The following SYNPO2 variants were observed in gnomAD, a reference collection of about 807,000 sequenced individuals.
SYNPO2 encodes synaptopodin 2, also known as synaptopodin-2.
In SYNPO2, 56 loss-of-function variants were observed where a neutral mutation model predicts 85.0. The ratio of observed to expected loss-of-function variants is 0.66; its 90% CI spans 0.53 to 0.82. The LOEUF (loss-of-function observed/expected upper bound fraction) is 0.82. Among genes scored for constraint, SYNPO2 ranks in the 40% least tolerant of loss-of-function variants. The pLI, the probability that SYNPO2 is intolerant of heterozygous loss-of-function variation, is 0.00. For synonymous variants in SYNPO2, 602 were observed against 591.1 expected, an observed-to-expected ratio of 1.02 and a Z score of -0.27; for missense variants, 1,575 against 1,534.2, an observed-to-expected ratio of 1.03 and a Z score of -0.44.
chr4:118,972,305 G>A (rs1401142709), intron 1 of SYNPO2, among the ~76,000 whole-genome samples: 2 of 151,976 alleles, frequency 1.3e-5, no homozygotes, highest in Non-Finnish European at 2.9e-5. Flanking sequence ...ATAGCCGGGT[G>A]TAGTGGTGCG....
chr4:118,959,826 T>C (rs1414328841), intron 1 of SYNPO2, among the ~76,000 whole-genome samples: 1 of 108,316 alleles, frequency 9.2e-6, no homozygotes, highest in East Asian at 3.2e-4. Context: ...ACTGTCTCCC[T>C]CGGTGTAGTA....
At chr4:118,890,713 C>CTG (rs1732340186) in intron 1 of SYNPO2, among the ~76,000 whole-genome samples, 6 of 140,626 alleles carry the variant, frequency 4.3e-5, no homozygotes, top group Admixed American at 4.3e-4. Context: ...CTCTCTCTCT[C>CTG]TCTCTCTCTC....
rs372034723 is a variant in SYNPO2, at chr4:118,917,418, C to CA, written c.105+28285dup. 2.6e-4 allele frequency among the ~76,000 whole-genome samples: 40 copies of CA among 151,484 alleles called. 1 individual carries two copies. Among genetic ancestry groups the CA allele is most frequent in the South Asian group, 6.3e-4 (3 of 4,794 alleles). ...AACAGAAAACAAACCAACCAACAAACAAAAAAAACAAAGAAACAAACAACA... is the reference window on the plus strand; with the variant it reads ...AACAGAAAACAAACCAACCAACAAACAAAAAAAAACAAAGAAACAAACAACA... On this transcript the variant is annotated intron_variant, in intron 1 of 4. Transcript: ENST00000307142.
chr4:118,853,779 C>T (rs1168827515), intron 1 of SYNPO2, among the ~76,000 whole-genome samples: 1 of 152,044 alleles, frequency 6.6e-6, no homozygotes, highest in Non-Finnish European at 1.5e-5. Flanking sequence ...TGCTGCAAGA[C>T]TCAATATGTA....
At position 119,057,536 on chromosome 4, in the gene SYNPO2, A is replaced by C. The variant is rs751444032; in HGVS notation, c.3388A>C (p.Thr1130Pro). Residue 1130 changes from threonine to proline, a missense_variant, in exon 5 of 5, where the codon ACT (threonine) becomes CCT (proline). By Grantham distance (38) the Thr-to-Pro change is conservative (BLOSUM62 -1). Coordinates refer to ENST00000307142, the MANE Select transcript of SYNPO2 (RefSeq NM_133477.3). ...DGLEKANKRP[T>P]PWEAAAKSPL... is the part of the protein sequence containing the mutation. ...ACTAGAGAAAGCAAACAAGAGACCA[A>C]CTCCTTGGGAAGCAGCAGCAAAGTC... is the stretch of plus-strand genomic sequence containing the variant. 2 of 1,613,804 alleles carry C rather than the reference A, an allele frequency of 1.2e-6. No individual in the cohort carries two copies. Among genetic ancestry groups the C allele is most frequent in the East Asian group, 2.2e-5 (1 of 44,852 alleles).
intron 1 of SYNPO2, among the ~76,000 whole-genome samples, chr4:118,962,957 T>C (rs1288763413): frequency 6.6e-6 from 1 of 152,190 alleles, no homozygotes; most frequent in Non-Finnish European, 1.5e-5. Flanking sequence ...ATAAGAACTA[T>C]ACTGCAGCCA....
rs754134859 is a variant in SYNPO2 at position 119,057,410 on chromosome 4, C to T, written c.3262C>T (p.Arg1088Cys). ...KSGVTIQESG[R>C]SLSLPGRSVP... ...TTTTCATTGTTTTTAGGAGAGTGGG[C>T]GCTCCCTTTCTCTTCCTGGAAGATC... Residue 1088 changes from arginine (R) to cysteine (C), a missense_variant, in exon 5 of 5, where the codon CGC (arginine) becomes TGC (cysteine). Transcript: ENST00000307142. 4.3e-5 allele frequency: 68 copies of T among 1,580,876 alleles called. No homozygotes were observed. Among genetic ancestry groups the T allele is most frequent in the South Asian group, 2.9e-4 (25 of 85,370 alleles).
chr4:118,964,144 T>C (rs1187640604), intron 1 of SYNPO2, among the ~76,000 whole-genome samples: 1 of 152,136 alleles, frequency 6.6e-6, no homozygotes, highest in Non-Finnish European at 1.5e-5. Context: ...AGATAAATAA[T>C]AGATTTTTCA....
chr4:118,930,565 G>A (rs4383601), intron 1 of SYNPO2, among the ~76,000 whole-genome samples: 128,802 of 151,924 alleles, frequency 0.85, 54,740 homozygotes, highest in East Asian at 0.93. Context: ...AGAATTCAGC[G>A]AATGTTTGTG....
intron 1 of SYNPO2, among the ~76,000 whole-genome samples, chr4:118,974,686 T>C (rs867053019): frequency 6.6e-6 from 1 of 152,196 alleles, no homozygotes; most frequent in Non-Finnish European, 1.5e-5. Flanking sequence ...CCCCAGATTT[T>C]GATTCTTTCC....
chr4:119,030,190 A>G lies in SYNPO2; in HGVS notation c.1415A>G (p.Glu472Gly). 1 of 1,614,096 alleles carries G rather than the reference A, an allele frequency of 6.2e-7. No individual in the cohort carries two copies. The highest frequency in any genetic ancestry group is 1.1e-5 in the South Asian group (1 of 91,070). ...TGGGATTCTGGACTGGTGGACATTG[A>G]AAAGAAACTGAACAGAGGGGACAAG... ...FDWDSGLVDI[E>G]KKLNRGDKME... The change falls in exon 4 of 5, where the codon GAA becomes GGA. Residue 472 changes from glutamate to glycine, a missense_variant. By Grantham distance (98) the Glu-to-Gly change is moderately conservative. Around this residue, in one of 3 missense-constraint regions of SYNPO2, gnomAD observed 1,508 missense variants for 1,446.8 expected, o/e 1.04. Coordinates refer to ENST00000307142, the MANE Select transcript of SYNPO2 (RefSeq NM_133477.3).
chr4:118,999,304 G>A (rs1317186908), intron 1 of SYNPO2, among the ~76,000 whole-genome samples: 1 of 151,894 alleles, frequency 6.6e-6, no homozygotes, highest in African/African-American at 2.4e-5. Context: ...ACGTGCCACT[G>A]TGCCCAGCTA....
intron 1 of SYNPO2, among the ~76,000 whole-genome samples, chr4:118,875,660 C>T (rs189278825): frequency 6.6e-6 from 1 of 152,308 alleles, no homozygotes. Context: ...CCTTCACTGA[C>T]ATTTTTTATT....
At position 119,030,591 on chromosome 4, in the gene SYNPO2, A is replaced by G. The variant is rs778069970; in HGVS notation, c.1816A>G (p.Thr606Ala). Residue 606 changes from threonine (T) to alanine (A), a missense_variant, in exon 4 of 5, where the codon ACC becomes GCC. Thr to Ala is a moderately conservative substitution (Grantham distance 58). Transcript: ENST00000307142. ...TCAGCCAGCTACCCCCTTCTCGCCA[A>G]CCCGAAACATGACGAGTCCCATTGC... ...VNQPATPFSP[T>A]RNMTSPIADF... is the part of the protein sequence containing the mutation. 4.3e-6 allele frequency: 7 copies of G among 1,613,858 alleles called. No homozygotes were observed. The highest frequency in any genetic ancestry group is 5.9e-6 in the Non-Finnish European group (7 of 1,179,992).
chr4:119,036,412 C>T, intron 4 of SYNPO2: 1 of 985,408 alleles, frequency 1.0e-6, no homozygotes, highest in East Asian at 1.1e-4. Flanking sequence ...CTCTGGGGGA[C>T]ACAAAGATGC....
intron 1 of SYNPO2, among the ~76,000 whole-genome samples, chr4:118,970,267 C>A (rs948086127): frequency 2.6e-5 from 4 of 152,092 alleles, no homozygotes; most frequent in African/African-American, 9.7e-5. Context: ...ACACTTCTAC[C>A]CTAAGGTGCT....
intron 1 of SYNPO2, among the ~76,000 whole-genome samples, chr4:118,969,565 G>A (rs1735457655): frequency 1.3e-5 from 2 of 152,098 alleles, no homozygotes; most frequent in Admixed American, 6.6e-5. Flanking sequence ...GATTATTAAT[G>A]TTCACTGGCA....
intron 1 of SYNPO2, among the ~76,000 whole-genome samples, chr4:118,865,325 A>C (rs1425892079): frequency 3.3e-5 from 5 of 152,252 alleles, no homozygotes. Context: ...ATTGACAGAC[A>C]TGACATAGAG....
Position 119,030,881 on chromosome 4 carries a change from C to CA in SYNPO2, c.2109dup (p.Val704SerfsTer6). 6.2e-7 allele frequency: 1 copy of CA among 1,614,116 alleles called. No homozygotes were observed. Among genetic ancestry groups the CA allele is most frequent in the Non-Finnish European group, 8.5e-7 (1 of 1,180,016 alleles). ...AACCCATGTTTACTTTTAAAGAGCC[C>CA]AAAGTAAGCCCAAATCCTGAACTCT... On this transcript the variant is annotated frameshift_variant, in exon 4 of 5. Transcript: ENST00000307142. LOFTEE classifies it high-confidence loss of function.
Sources: gnomAD v4.1 joint callset for allele counts (sites outside exome capture counted in the v4.1 genomes callset) on GRCh38, gnomAD v4.1.1 for gene constraint, gnomAD v4.1.1 regional missense constraint, MANE v1.5 for transcripts, NCBI Gene and HGNC (gene_info 2026-07-23, HGNC 2026-07-21) for gene names.